The following GRB10 variants were observed in gnomAD, a reference collection of about 807,000 sequenced individuals.
The protein encoded by GRB10 is growth factor receptor bound protein 10.
In GRB10, 20 loss-of-function variants were observed where a neutral mutation model predicts 80.9. The ratio of observed to expected loss-of-function variants is 0.25; its 90% CI spans 0.17 to 0.36. The LOEUF is 0.36. Ranked by LOEUF, GRB10 falls within the 10% of genes least tolerant of loss-of-function variation. The pLI is 1.00. For missense variants in GRB10, 548 were observed against 747.7 expected (o/e 0.73, Z 3.12); for synonymous variants, 291 against 291.5 (o/e 1.00, Z 0.02).
At chr7:50,606,447 C>G (rs747019769) in intron 13 of GRB10, 33 bp from the exon 14 acceptor site, 2 of 1,551,912 alleles carry the variant, frequency 1.3e-6, no homozygotes, top group Non-Finnish European at 1.8e-6. Context: ...AGTCACCGGC[C>G]CGGGAGCCCC....
At chr7:50,729,546 C>A (rs1449658459) in intron 4 of GRB10, 1 of 152,166 alleles carries the variant, frequency 6.6e-6, no homozygotes, top group East Asian at 1.9e-4. Context: ...CATCAATGAA[C>A]ACAGATGTGC....
At chr7:50,790,786 G>A (rs918358562) in intron 1 of GRB10, among the ~76,000 whole-genome samples, 2 of 152,232 alleles carry the variant, frequency 1.3e-5, no homozygotes, top group African/African-American at 4.8e-5. Flanking sequence ...AACCAATCAA[G>A]AATTTCTACA....
chr7:50,629,774 G>A (rs1233385783), intron 7 of GRB10, among the ~76,000 whole-genome samples: 1 of 152,244 alleles, frequency 6.6e-6, no homozygotes, highest in Non-Finnish European at 1.5e-5. Context: ...ATTCTGTACA[G>A]CACCAACTGC....
At chr7:50,704,644 G>A (rs557636832) in intron 4 of GRB10, among the ~76,000 whole-genome samples, 1 of 152,344 alleles carries the variant, frequency 6.6e-6, no homozygotes, top group South Asian at 2.1e-4. Flanking sequence ...TATAAGATGT[G>A]CCCCAGAACT....
At chr7:50,766,696 C>T (rs746016264) in intron 2 of GRB10, among the ~76,000 whole-genome samples, 10 of 152,116 alleles carry the variant, frequency 6.6e-5, no homozygotes, top group South Asian at 2.1e-4. Context: ...GTGCTTTGGA[C>T]GCTTTATCAC....
chr7:50,690,450 A>G (rs2062682956), intron 5 of GRB10, among the ~76,000 whole-genome samples: 1 of 152,242 alleles, frequency 6.6e-6, no homozygotes, highest in South Asian at 2.1e-4. Context: ...ATTTAAAAGT[A>G]TTCTTTCATC....
intron 2 of GRB10, among the ~76,000 whole-genome samples, chr7:50,772,082 C>G (rs550193733): frequency 6.6e-6 from 1 of 152,258 alleles, no homozygotes; most frequent in South Asian, 2.1e-4. Context: ...TGGATCTATT[C>G]AGGCGACCTC....
chr7:50,779,519 T>C (rs1172568668), intron 2 of GRB10: 1 of 152,228 alleles, frequency 6.6e-6, no homozygotes, highest in African/African-American at 2.4e-5. Flanking sequence ...CCTCCCTTCC[T>C]ACACAGATTT....
chr7:50,703,500 T>C (rs947450905), intron 5 of GRB10, among the ~76,000 whole-genome samples: 6 of 152,152 alleles, frequency 3.9e-5, no homozygotes, highest in East Asian at 1.9e-4. Context: ...AACATAAAAA[T>C]GCCAAAATCA....
At chr7:50,653,321 G>T (rs1371674340) in intron 7 of GRB10, among the ~76,000 whole-genome samples, 1 of 152,134 alleles carries the variant, frequency 6.6e-6, no homozygotes, top group Non-Finnish European at 1.5e-5. Context: ...CATGAAGCCG[G>T]GAACAGCCAC....
At chr7:50,790,666 A>C (rs1000924760) in intron 1 of GRB10, among the ~76,000 whole-genome samples, 1 of 152,232 alleles carries the variant, frequency 6.6e-6, no homozygotes, top group African/African-American at 2.4e-5. Context: ...ACATTCTACG[A>C]TCCCGTAGGT....
intron 7 of GRB10, among the ~76,000 whole-genome samples, chr7:50,634,355 C>T (rs1180187729): frequency 1.3e-5 from 2 of 152,116 alleles, no homozygotes; most frequent in African/African-American, 2.4e-5. Flanking sequence ...GGGAATTTGC[C>T]ACTACTAGAC....
chr7:50,703,295 AGGCTCCTCATCCTAC>A (rs1427037725), intron 5 of GRB10, among the ~76,000 whole-genome samples: 1 of 152,224 alleles, frequency 6.6e-6, no homozygotes, highest in African/African-American at 2.4e-5. Context: ...TTTAATCCTC[AGGCTCCTCATCCTAC>A]GGCAAAGCTT....
chr7:50,692,343 AT>A (rs992374884), intron 5 of GRB10, among the ~76,000 whole-genome samples: 3 of 152,136 alleles, frequency 2.0e-5, no homozygotes, highest in African/African-American at 7.2e-5. Context: ...AATCTTCAAG[AT>A]TTTTTGTGGA....
chr7:50,639,884 A>C (rs1366674482), intron 7 of GRB10, among the ~76,000 whole-genome samples: 1 of 152,208 alleles, frequency 6.6e-6, no homozygotes, highest in Non-Finnish European at 1.5e-5. Flanking sequence ...ATGGATATGC[A>C]TAGCCTGTTA....
At chr7:50,695,475 G>C (rs1051388768) in intron 5 of GRB10, among the ~76,000 whole-genome samples, 5 of 52,726 alleles carry the variant, frequency 9.5e-5, no homozygotes, top group African/African-American at 1.8e-4. Context: ...TCTTTCTTAA[G>C]CAGGGGCAAA....
intron 7 of GRB10, among the ~76,000 whole-genome samples, chr7:50,660,411 C>T (rs1352229432): frequency 2.0e-5 from 3 of 152,268 alleles, no homozygotes; most frequent in South Asian, 2.1e-4. Context: ...CACGTTCACA[C>T]GGCAAGAGGG....
At chr7:50,670,949 C>A (rs1008026763) in intron 6 of GRB10, among the ~76,000 whole-genome samples, 1 of 152,190 alleles carries the variant, frequency 6.6e-6, no homozygotes, top group Non-Finnish European at 1.5e-5. Flanking sequence ...GGCATCTGTT[C>A]CCTCCTCCGA....
intron 5 of GRB10, among the ~76,000 whole-genome samples, chr7:50,698,152 CT>C (rs1044063017): frequency 2.0e-5 from 3 of 151,434 alleles, no homozygotes; most frequent in Non-Finnish European, 2.9e-5. Flanking sequence ...AATTGTTTAT[CT>C]TATTTTATTT....
Sources: gnomAD v4.1 joint callset for allele counts (sites outside exome capture counted in the v4.1 genomes callset) on GRCh38, gnomAD v4.1.1 for gene constraint, MANE v1.5 for transcripts, NCBI Gene and HGNC (gene_info 2026-07-23, HGNC 2026-07-21) for gene names.